The following TOX4 variants were observed in gnomAD, a reference collection of about 807,000 sequenced individuals.
The protein encoded by TOX4 is TOX high mobility group box family member 4.
TOX4 carries 12 observed loss-of-function variants against 61.0 expected under a neutral mutation model. The observed-to-expected ratio is 0.20, with a 90% confidence interval of 0.13 to 0.32. The LOEUF is 0.32. Ranked by LOEUF, TOX4 falls within the 10% of genes least tolerant of loss-of-function variation. The pLI is 1.00. For missense variants in TOX4, 499 were observed against 753.3 expected (o/e 0.66, Z 3.95); for synonymous variants, 268 against 274.8 (o/e 0.98, Z 0.24).
At chr14:21,489,516 T>C in intron 5 of TOX4, 113 bp downstream of exon 5, 1 of 909,462 alleles carries the variant, frequency 1.1e-6, no homozygotes, top group Non-Finnish European at 1.7e-6. Flanking sequence ...TGTTTGTTAA[T>C]GACACTTAAA....
rs1304528231 is a variant in TOX4, at chr14:21,488,956, C to G, written c.579+106C>G. 4 of 1,480,026 alleles carry G rather than the reference C, an allele frequency of 2.7e-6. No individual in the cohort carries two copies. In the Admixed American group the frequency reaches 8.1e-5, roughly 30 times the overall value. The allele number at this position is 1,480,026 out of a possible 1,614,324, so 91.7% of individuals were successfully genotyped here. On this transcript the variant is annotated intron_variant, in intron 4 of 8. Coordinates refer to ENST00000448790, the MANE Select transcript of TOX4 (RefSeq NM_014828.4). ...CTTTACCCTTGCCGTGCCATCTCCTCTGCTGTTTTCTGGGTATGGGGTTCC... is the reference window on the plus strand; with the variant it reads ...CTTTACCCTTGCCGTGCCATCTCCTGTGCTGTTTTCTGGGTATGGGGTTCC...
chr14:21,495,087 T>G (rs1891372424), intron 7 of TOX4, 142 bp from the exon 8 acceptor site: 1 of 835,024 alleles, frequency 1.2e-6, no homozygotes, highest in African/African-American at 1.7e-5. Flanking sequence ...GACCAAGAAC[T>G]CACCTTCTTC....
Position 21,498,750 on chromosome 14 carries a change from A to G in TOX4, c.*2144A>G. 1 of 479,758 alleles carries G rather than the reference A, an allele frequency of 2.1e-6. No individual in the cohort carries two copies. Among genetic ancestry groups the G allele is most frequent in the East Asian group, 3.6e-5 (1 of 27,562 alleles). 29.7% of individuals were successfully genotyped at this position (479,758 alleles called of 1,614,324 possible). On this transcript the variant is annotated 3_prime_UTR_variant, in exon 9 of 9. Coordinates refer to ENST00000448790, the MANE Select transcript of TOX4 (RefSeq NM_014828.4). ...TAACTTCGTAACCACCAGGGGGCAG[A>G]TTCAATACATCACAGAATGGCTGAG...
intron 8 of TOX4, chr14:21,496,320 G>A: frequency 2.6e-6 from 1 of 386,736 alleles, no homozygotes; most frequent in Non-Finnish European, 4.7e-6. Flanking sequence ...GGGGTCAGGA[G>A]ATCAAGACCA....
intron 4 of TOX4, 37 bp downstream of exon 4, chr14:21,488,887 T>C (rs1465343880): frequency 3.1e-6 from 5 of 1,605,268 alleles, no homozygotes; most frequent in Non-Finnish European, 4.3e-6. Flanking sequence ...TCTGCTGTGA[T>C]AGTCTGGGAT....
rs568293146 is a variant in TOX4 at position 21,483,700 on chromosome 14, C to A, written c.76-3751C>A. 1.4e-4 allele frequency among the ~76,000 whole-genome samples: 21 copies of A among 151,964 alleles called. No homozygotes were observed. In the South Asian group the frequency reaches 1.9e-3, roughly 14 times the overall value. On this transcript the variant is annotated intron_variant, in intron 2 of 8. Transcript: ENST00000448790. ...AGAATTAAAAAAAACAACAACAAAACAACATACATAAATACATGATTTGTG... is the reference window on the plus strand; with the variant it reads ...AGAATTAAAAAAAACAACAACAAAAAAACATACATAAATACATGATTTGTG...
Position 21,492,566 on chromosome 14 carries a change from C to G in TOX4, c.950C>G (p.Pro317Arg). ...CCACCATCACAAACTCCTTCTCCAC[C>G]TCCTATGGCTACTGTTGACCCAGCA... ...PAPPSQTPSPPPMATVDPASP... is the reference protein window; with the variant it reads ...PAPPSQTPSPRPMATVDPASP... Residue 317 changes from proline to arginine, a missense_variant, in exon 7 of 9, where the codon CCT (proline) becomes CGT (arginine). Physicochemically the swap from Pro to Arg is moderately radical, Grantham distance 103. Transcript: ENST00000448790. The G allele has an allele frequency of 6.2e-7, 1 of 1,613,964 alleles. No homozygotes were observed. Among genetic ancestry groups the G allele is most frequent in the Non-Finnish European group, 8.5e-7 (1 of 1,180,006 alleles).
rs376379840 is a variant in TOX4 at position 21,492,931 on chromosome 14, C to G, written c.1315C>G (p.Pro439Ala). 1.2e-4 allele frequency: 193 copies of G among 1,610,532 alleles called. No homozygotes were observed. The highest frequency in any genetic ancestry group is 1.5e-4 in the Non-Finnish European group (181 of 1,179,188). ...AAAAAASMQL[P>A]PPRLQPPPLQ... is the part of the protein sequence containing the mutation. ...TGCTGCTGCTGCTTCTATGCAACTG[C>G]CTCCACCCCGACTACAGCCCCCTCC... Residue 439 changes from proline to alanine, a missense_variant, in exon 7 of 9, where the codon CCT becomes GCT. Coordinates refer to ENST00000448790, the MANE Select transcript of TOX4 (RefSeq NM_014828.4).
At chr14:21,481,643 C>T (rs1386923668) in intron 2 of TOX4, among the ~76,000 whole-genome samples, 1 of 152,184 alleles carries the variant, frequency 6.6e-6, no homozygotes, top group African/African-American at 2.4e-5. Context: ...TCACCAAAAA[C>T]ATGTTCACAA....
chr14:21,489,513 T>A, intron 5 of TOX4, 110 bp downstream of exon 5: 1 of 902,792 alleles, frequency 1.1e-6, no homozygotes, highest in Non-Finnish European at 1.7e-6. Flanking sequence ...AGCTGTTTGT[T>A]AATGACACTT....
intron 2 of TOX4, among the ~76,000 whole-genome samples, chr14:21,483,820 G>A (rs531481762): frequency 3.7e-4 from 56 of 151,964 alleles, no homozygotes; most frequent in African/African-American, 1.2e-3. Context: ...GTGTGTGTGC[G>A]CGTGTGAGAC....
In TOX4 at chr14:21,498,525, A is replaced by T. The variant is rs953080375; in HGVS notation, c.*1919A>T. ...CATTAGAATAGTATATGGTAGAATT[A>T]CTAGTTCAGAATTGGCATAGATTCT... On this transcript the variant is annotated 3_prime_UTR_variant, in exon 9 of 9. Coordinates refer to ENST00000448790, the MANE Select transcript of TOX4 (RefSeq NM_014828.4). 3.5e-5 allele frequency: 24 copies of T among 680,158 alleles called. No homozygotes were observed. The highest frequency in any genetic ancestry group is 5.1e-5 in the Non-Finnish European group (21 of 409,186). The allele number at this position is 680,158 out of a possible 1,614,324, so 42.1% of individuals were successfully genotyped here. A position where few individuals can be genotyped will look rare whatever the true frequency, so the allele number is the denominator to read the frequency against.
rs1447606963 is a variant in TOX4, at chr14:21,493,760, G to GTTTTT, written c.1641+504_1641+508dup. On this transcript the variant is annotated intron_variant, in intron 7 of 8. Transcript: ENST00000448790. Reference sequence around the variant, plus strand: ...GCCCTGTTTTGTTTTGTTTTGTTTTGTTTTTCTTGAGACGGAGTCTCGCTC... The same window carrying GTTTTT: ...GCCCTGTTTTGTTTTGTTTTGTTTTGTTTTTTTTTTCTTGAGACGGAGTCTCGCTC... Among the ~76,000 whole-genome samples the GTTTTT allele has an allele frequency of 1.4e-4, 21 of 151,194 alleles. 1 individual carries two copies. The East Asian group carries it at 4.1e-3, about 29-fold the overall frequency.
Position 21,485,494 on chromosome 14 carries a change from T to C in TOX4, c.76-1957T>C, listed in dbSNP as rs182024825. The stretch of plus-strand genomic sequence containing the variant: ...TACTTGGGAACCTGAGGTGGGAGAA[T>C]CACTTGAACCCAGGAGGCGGAGGTT... On this transcript the variant is annotated intron_variant, in intron 2 of 8. Coordinates refer to ENST00000448790, the MANE Select transcript of TOX4 (RefSeq NM_014828.4). Among the ~76,000 whole-genome samples the C allele has an allele frequency of 6.9e-3, 715 of 103,824 alleles. 233 individuals are homozygous for C. Among genetic ancestry groups the C allele is most frequent in the Non-Finnish European group, 0.01 (495 of 47,618 alleles). The allele number at this position is 103,824 out of a possible 152,430, so 68.1% of individuals were successfully genotyped here. A position where few individuals can be genotyped will look rare whatever the true frequency, so the allele number is the denominator to read the frequency against.
At chr14:21,485,737 A>T (rs1891181848) in intron 2 of TOX4, among the ~76,000 whole-genome samples, 1 of 102,966 alleles carries the variant, frequency 9.7e-6, no homozygotes, top group African/African-American at 3.7e-5. Flanking sequence ...GTGGTGGCAC[A>T]CACCTGTAGT....
intron 7 of TOX4, among the ~76,000 whole-genome samples, chr14:21,494,038 C>T (rs542347521): frequency 1.7e-4 from 26 of 152,256 alleles, no homozygotes; most frequent in East Asian, 3.9e-4. Context: ...CGTGAGCCAC[C>T]GTGTGCCCCA....
At chr14:21,490,526 C>A (rs1352553091) in intron 5 of TOX4, among the ~76,000 whole-genome samples, 1 of 152,122 alleles carries the variant, frequency 6.6e-6, no homozygotes, top group African/African-American at 2.4e-5. Context: ...CAATAACTCT[C>A]AAAAATAGCT....
intron 2 of TOX4, among the ~76,000 whole-genome samples, chr14:21,482,822 C>T (rs990727448): frequency 1.3e-5 from 2 of 151,706 alleles, no homozygotes; most frequent in Non-Finnish European, 2.9e-5. Context: ...TTTAGTGAAT[C>T]TCTACTTTTA....
chr14:21,478,050 C>T (rs1891034613), intron 2 of TOX4, among the ~76,000 whole-genome samples: 1 of 152,212 alleles, frequency 6.6e-6, no homozygotes, highest in African/African-American at 2.4e-5. Context: ...GATTCTCCTG[C>T]CTCAGCCTCC....
Sources: allele counts gnomAD v4.1 joint callset (sites outside exome capture counted in the v4.1 genomes callset), GRCh38; gene constraint gnomAD v4.1.1; transcripts MANE v1.5; gene names NCBI Gene and HGNC (gene_info 2026-07-23, HGNC 2026-07-21).